The following CNTRL variants were observed in gnomAD, a reference collection of about 807,000 sequenced individuals.
CNTRL encodes 110 kDa centrosomal protein.
Under a neutral mutation model 303.7 loss-of-function variants are expected in CNTRL, and 233 were observed. The observed-to-expected ratio is 0.77, with a 90% CI of 0.69 to 0.86. The LOEUF (loss-of-function observed/expected upper bound fraction) is 0.86. CNTRL is among the 40% of genes least tolerant of loss of function. The pLI, the probability that CNTRL is intolerant of heterozygous loss-of-function variation, is 0.00. For synonymous variants in CNTRL, 900 were observed against 922.2 expected, an observed-to-expected ratio of 0.98 and a Z score of 0.44; for missense variants, 2,524 against 2,650.6, an observed-to-expected ratio of 0.95 and a Z score of 1.05.
At chr9:121,111,430 T>G (rs1275977033) in intron 8 of CNTRL, among the ~76,000 whole-genome samples, 1 of 152,202 alleles carries the variant, frequency 6.6e-6, no homozygotes, top group Non-Finnish European at 1.5e-5. Context: ...TACTTCCATT[T>G]TGATGGATAA....
intron 32 of CNTRL, 64 bp from the exon 33 acceptor site, chr9:121,161,792 C>T: frequency 7.9e-7 from 1 of 1,264,248 alleles, no homozygotes; most frequent in Non-Finnish European, 1.1e-6. Context: ...TTTTCTGTTT[C>T]ATTTTGTAAA....
rs1344514368 is a variant in CNTRL at position 121,171,456 on chromosome 9, G to A, written c.6325G>A (p.Glu2109Lys). The A allele has an allele frequency of 2.5e-6, 4 of 1,613,998 alleles. No individual in the cohort carries two copies. The African/African-American group carries it at 5.3e-5, about 22-fold the overall frequency. ...SCIQKEMATI[E>K]LVAQDNHERA... ...CATACAAAAGGAAATGGCAACAATT[G>A]AACTGGTAGCCCAGGACAACCATGA... is the stretch of plus-strand genomic sequence containing the variant. The change falls in exon 40 of 44, where the codon GAA becomes AAA. Residue 2109 changes from glutamate to lysine, a missense_variant. Transcript: ENST00000373855.
At chr9:121,142,763 G>A (rs369363392) in intron 19 of CNTRL, among the ~76,000 whole-genome samples, 1 of 151,966 alleles carries the variant, frequency 6.6e-6, no homozygotes, top group East Asian at 1.9e-4. Context: ...GATCATAACC[G>A]CTTATCTTGC....
Position 121,146,164 on chromosome 9 carries a change from GTTTCTTATCAGAATGA to G in CNTRL, c.3370_3385del (p.Ser1124ThrfsTer2). On this transcript the variant is annotated frameshift_variant, in exon 23 of 44. Transcript: ENST00000373855. LOFTEE classifies it high-confidence loss of function. ...AGAAATTGCTGAACTTCGACGTGAA[GTTTCTTATCAGAATGA>G]TTACATAAGCAGCATGGCAGATCCT... The G allele has an allele frequency of 6.2e-7, 1 of 1,613,540 alleles. No individual in the cohort carries two copies. Among genetic ancestry groups the G allele is most frequent in the Non-Finnish European group, 8.5e-7 (1 of 1,179,850 alleles).
chr9:121,135,757 T>G, intron 14 of CNTRL, 49 bp from the exon 15 acceptor site: 1 of 1,515,796 alleles, frequency 6.6e-7, no homozygotes, highest in Non-Finnish European at 8.9e-7. Context: ...TGCAAATGCT[T>G]AAGCAGCACA....
chr9:121,103,729 G>A lies in CNTRL; in HGVS notation c.809-4073G>A, dbSNP rs142359636. Among the ~76,000 whole-genome samples the A allele has an allele frequency of 5.5e-3, 832 of 152,264 alleles. 10 individuals are homozygous for A. Among genetic ancestry groups the A allele is most frequent in the African/African-American group, 0.019 (778 of 41,530 alleles). On this transcript the variant is annotated intron_variant, in intron 7 of 43. Transcript: ENST00000373855. ...AAAGCAGCCCCATCAAAAAGTGGGC[G>A]AAGGATATGAACAGACACATCTCAA...
At chr9:121,163,246 G>A (rs942121614) in intron 34 of CNTRL, among the ~76,000 whole-genome samples, 4 of 150,284 alleles carry the variant, frequency 2.7e-5, no homozygotes, top group Non-Finnish European at 4.4e-5. Context: ...TTTGAGCCAG[G>A]GAGATTGAGG....
chr9:121,104,542 TAAATA>T (rs2049359412), intron 7 of CNTRL, among the ~76,000 whole-genome samples: 1 of 149,844 alleles, frequency 6.7e-6, no homozygotes, highest in Non-Finnish European at 1.5e-5. Context: ...AAAGTAAAAA[TAAATA>T]AAACTATCCA....
In CNTRL at chr9:121,081,599, CAG is replaced by C. The variant is rs147192617; in HGVS notation, c.-32+1125_-32+1126del. Reference sequence around the variant, plus strand: ...ATTTGCTTGAGTGGGTCACAGAACTCAGAGAAATACTACTTACATTTTCCCAT... The same window carrying C: ...ATTTGCTTGAGTGGGTCACAGAACTCAGAAATACTACTTACATTTTCCCAT... On this transcript the variant is annotated intron_variant, in intron 2 of 43. Transcript: ENST00000373855. 5.0e-3 allele frequency among the ~76,000 whole-genome samples: 757 copies of C among 152,310 alleles called. 5 individuals carry two copies. Among genetic ancestry groups the C allele is most frequent in the African/African-American group, 0.018 (729 of 41,556 alleles).
chr9:121,120,899 G>T (rs1296070289), intron 12 of CNTRL, among the ~76,000 whole-genome samples: 3 of 152,106 alleles, frequency 2.0e-5, no homozygotes, highest in Non-Finnish European at 4.4e-5. Flanking sequence ...TCTTAAGTTT[G>T]CAGCCTTAGT....
Position 121,098,497 on chromosome 9 carries a change from C to T in CNTRL, c.733C>T (p.Arg245Cys), listed in dbSNP as rs749923533. The change falls in exon 7 of 44, where the codon CGT becomes TGT. Residue 245 changes from arginine to cysteine, a missense_variant. Transcript: ENST00000373855. ...HYLQFTIFHL[R>C]SLESLEGQPV... ...CCTCCAGTTTACCATTTTCCACCTC[C>T]GTTCATTGGAAAGTTTGGAAGGTCA... 5 of 1,613,738 alleles carry T rather than the reference C, an allele frequency of 3.1e-6. No individual in the cohort carries two copies. Among genetic ancestry groups the T allele is most frequent in the Admixed American group, 1.7e-5 (1 of 60,000 alleles).
chr9:121,159,051 C>T lies in CNTRL; in HGVS notation c.4929+32C>T, dbSNP rs188470073. The T allele has an allele frequency of 2.2e-3, 3,501 of 1,593,794 alleles. 30 individuals carry two copies. The highest frequency in any genetic ancestry group is 1.5e-3 in the Non-Finnish European group (1,764 of 1,165,110). On this transcript the variant is annotated intron_variant, in intron 31 of 43. Coordinates refer to ENST00000373855, the MANE Select transcript of CNTRL (RefSeq NM_007018.6). ...TTTTTATTAGGGTTTTCTGAAGAGT[C>T]GTAGGACAGTGCTATAGGTTTACTT...
At chr9:121,167,838 T>C (rs1241608676) in intron 37 of CNTRL, among the ~76,000 whole-genome samples, 161 bp downstream of exon 37, 1 of 152,198 alleles carries the variant, frequency 6.6e-6, no homozygotes, top group East Asian at 1.9e-4. Context: ...ACTGTGTGAC[T>C]CTCTTACAGA....
chr9:121,097,935 A>G (rs1020179702), intron 6 of CNTRL, among the ~76,000 whole-genome samples: 2 of 152,204 alleles, frequency 1.3e-5, no homozygotes, highest in Non-Finnish European at 2.9e-5. Flanking sequence ...TAAACTGTCA[A>G]TTATAGCACA....
chr9:121,123,875 A>T, intron 12 of CNTRL, 56 bp from the exon 13 acceptor site: 1 of 1,341,908 alleles, frequency 7.5e-7, no homozygotes, highest in Non-Finnish European at 1.0e-6. Context: ...AAGGGTTATT[A>T]CTTTTAAAGG....
At chr9:121,088,966 G>T (rs2048452784) in intron 3 of CNTRL, among the ~76,000 whole-genome samples, 1 of 152,224 alleles carries the variant, frequency 6.6e-6, no homozygotes, top group Non-Finnish European at 1.5e-5. Flanking sequence ...CCACATATGG[G>T]ACATGTATGT....
chr9:121,137,445 G>A (rs1417507127), intron 15 of CNTRL, among the ~76,000 whole-genome samples: 1 of 152,162 alleles, frequency 6.6e-6, no homozygotes, highest in Non-Finnish European at 1.5e-5. Flanking sequence ...TATGAGAAGC[G>A]TCAATATGTG....
intron 34 of CNTRL, 99 bp downstream of exon 34, chr9:121,162,370 T>G: frequency 1.0e-6 from 1 of 980,252 alleles, no homozygotes. Flanking sequence ...AAAGATAAAA[T>G]ACACCACAAA....
At chr9:121,149,003 C>A (rs2052045155) in intron 24 of CNTRL, 142 bp downstream of exon 24, 1 of 705,290 alleles carries the variant, frequency 1.4e-6, no homozygotes. Flanking sequence ...GGCCAGCGAC[C>A]TCTTGTCGTT....
Sources: allele counts gnomAD v4.1 joint callset (sites outside exome capture counted in the v4.1 genomes callset), GRCh38; gene constraint gnomAD v4.1.1; transcripts MANE v1.5; gene names NCBI Gene and HGNC (gene_info 2026-07-23, HGNC 2026-07-21).